The following TDRD7 variants were observed in gnomAD, a reference collection of about 807,000 sequenced individuals.
TDRD7 encodes tudor domain-containing protein 7.
Under a neutral mutation model 109.8 loss-of-function variants are expected in TDRD7, and 47 were observed. The ratio of observed to expected loss-of-function variants is 0.43; its 90% CI spans 0.34 to 0.55. TDRD7 has a LOEUF of 0.55. Among genes scored for constraint, TDRD7 ranks in the 20% least tolerant of loss-of-function variants. The probability of loss-of-function intolerance (pLI) is 0.03; values close to 1 mark genes in which losing one functional copy is unlikely to be tolerated. For missense variants in TDRD7, 1,164 were observed against 1,319.2 expected (o/e 0.88, Z 1.82); for synonymous variants, 424 against 457.3 (o/e 0.93, Z 0.93).
chr9:97,483,077 C>G lies in TDRD7; in HGVS notation c.2641C>G (p.Leu881Val), dbSNP rs746667320. ...CACTGGAGAGAATTTCAGAAAGAAC[C>G]TCACAGATGTCATCAAAAAGTCCAT... is the stretch of plus-strand genomic sequence containing the variant. ...GNTGENFRKN[L>V]TDVIKKSMVD... Residue 881 changes from leucine to valine, a missense_variant, in exon 15 of 17, where the codon CTC becomes GTC. By Grantham distance (32) the Leu-to-Val change is conservative (BLOSUM62 1). Transcript: ENST00000355295. 16 of 1,614,010 alleles carry G rather than the reference C, an allele frequency of 9.9e-6. No individual in the cohort carries two copies. In the Admixed American group the frequency reaches 2.2e-4, roughly 22 times the overall value.
intron 16 of TDRD7, among the ~76,000 whole-genome samples, chr9:97,494,721 T>C (rs1407320354): frequency 1.0e-4 from 8 of 79,626 alleles, no homozygotes; most frequent in Non-Finnish European, 2.2e-4. Context: ...TATTTTTTTT[T>C]TTTTCGAGAG....
intron 5 of TDRD7, among the ~76,000 whole-genome samples, chr9:97,440,071 C>T (rs1406967435): frequency 1.3e-5 from 2 of 152,076 alleles, no homozygotes; most frequent in African/African-American, 4.8e-5. Context: ...AACACATCTC[C>T]AGTATTTCTT....
At chr9:97,493,055 C>G (rs1829333025) in intron 16 of TDRD7, among the ~76,000 whole-genome samples, 1 of 152,132 alleles carries the variant, frequency 6.6e-6, no homozygotes, top group South Asian at 2.1e-4. Context: ...TCTGTGGAAT[C>G]TAAGTGGAAC....
intron 11 of TDRD7, among the ~76,000 whole-genome samples, chr9:97,474,501 A>G (rs1302330892): frequency 6.6e-6 from 1 of 152,108 alleles, no homozygotes; most frequent in Non-Finnish European, 1.5e-5. Flanking sequence ...CATCCCTTAC[A>G]GTATCTAATC....
At chr9:97,431,436 G>A (rs971360739) in intron 3 of TDRD7, among the ~76,000 whole-genome samples, 1 of 151,996 alleles carries the variant, frequency 6.6e-6, no homozygotes, top group African/African-American at 2.4e-5. Flanking sequence ...ATGTCTTCTG[G>A]TAGAAAACCT....
In TDRD7 at chr9:97,460,709, GC is replaced by G. The variant is rs752270932; in HGVS notation, c.1388del (p.Ala463AspfsTer10). 1.9e-6 allele frequency: 3 copies of G among 1,614,162 alleles called. No individual in the cohort carries two copies. The highest frequency in any genetic ancestry group is 3.3e-5 in the Admixed American group (2 of 60,030). On this transcript the variant is annotated frameshift_variant, in exon 7 of 17. Coordinates refer to ENST00000355295, the MANE Select transcript of TDRD7 (RefSeq NM_014290.3). LOFTEE classifies it high-confidence loss of function. ...TCCTCCTTTAATGATTCCAACTGAAGCATCACCATCTGTATTGGTGGTTGAA... is the reference window on the plus strand; with the variant it reads ...TCCTCCTTTAATGATTCCAACTGAAGATCACCATCTGTATTGGTGGTTGAA... The part of the protein sequence containing the change: ...TVPPLMIPTE[A>X]SPSVLVVELS...
rs114276740 is a variant in TDRD7 at position 97,439,127 on chromosome 9, A to G, written c.564-118A>G. ...TTTTTTCTGATTTTAAATTATTTTA[A>G]TGACTTGTTTTGCTGTTAAATGCCA... On this transcript the variant is annotated intron_variant, in intron 4 of 16. Transcript: ENST00000355295. 1.1e-3 allele frequency: 666 copies of G among 580,732 alleles called. 1 individual carries two copies. The African/African-American group carries it at 0.012, about 10-fold the overall frequency. The allele number at this position is 580,732 out of a possible 1,614,324, so 36.0% of individuals were successfully genotyped here.
chr9:97,451,465 A>AT lies in TDRD7; in HGVS notation c.856-8706dup, dbSNP rs573592535. On this transcript the variant is annotated intron_variant, in intron 6 of 16. Transcript: ENST00000355295. ...CTATCACATCCAGCTAATTTTTAAA[A>AT]TTTTTTTGTTGAGATTCTCACTATG... Among the ~76,000 whole-genome samples the AT allele has an allele frequency of 2.0e-5, 3 of 151,866 alleles. No homozygotes were observed. In the East Asian group the frequency reaches 5.8e-4, roughly 29 times the overall value.
intron 11 of TDRD7, 74 bp from the exon 12 acceptor site, chr9:97,475,309 T>C: frequency 8.4e-7 from 1 of 1,189,798 alleles, no homozygotes; most frequent in South Asian, 1.2e-5. Flanking sequence ...GCCACAGCGA[T>C]CTGTTTTTCT....
At chr9:97,446,153 C>T (rs1410278918) in intron 6 of TDRD7, among the ~76,000 whole-genome samples, 1 of 152,106 alleles carries the variant, frequency 6.6e-6, no homozygotes, top group Non-Finnish European at 1.5e-5. Context: ...GCAACAATGA[C>T]TGCTGAACAC....
At chr9:97,430,772 T>C (rs1159526526) in intron 2 of TDRD7, among the ~76,000 whole-genome samples, 161 bp from the exon 3 acceptor site, 1 of 152,224 alleles carries the variant, frequency 6.6e-6, no homozygotes, top group East Asian at 1.9e-4. Context: ...GCAGAAAATA[T>C]AATTTTCTTC....
chr9:97,492,715 C>A lies in TDRD7; in HGVS notation c.3077-2948C>A, dbSNP rs577034416. ...CCATGTCCTGAGTTCCTTTTCTAGG[C>A]TCACCTCTGCCAAGCCTTCTTTCTT... On this transcript the variant is annotated intron_variant, in intron 16 of 16. Transcript: ENST00000355295. Among the ~76,000 whole-genome samples the A allele has an allele frequency of 2.6e-5, 4 of 152,330 alleles. No individual in the cohort carries two copies. The East Asian group carries it at 7.7e-4, about 29-fold the overall frequency.
chr9:97,466,169 A>T (rs1368682028), intron 8 of TDRD7, among the ~76,000 whole-genome samples: 1 of 152,210 alleles, frequency 6.6e-6, no homozygotes, highest in Admixed American at 6.5e-5. Context: ...GTCCCTGAAC[A>T]CAGGCTTAAG....
intron 16 of TDRD7, among the ~76,000 whole-genome samples, chr9:97,490,550 G>T (rs934739000): frequency 1.9e-4 from 10 of 54,036 alleles, no homozygotes; most frequent in South Asian, 5.6e-4. Context: ...ATATTTTGGT[G>T]GGGGGGGGGG....
chr9:97,490,978 C>T (rs1285206278), intron 16 of TDRD7, among the ~76,000 whole-genome samples: 1 of 143,396 alleles, frequency 7.0e-6, no homozygotes, highest in South Asian at 2.2e-4. Flanking sequence ...TGCAGTGGCA[C>T]GATCTCAGCT....
At chr9:97,427,393 G>T (rs911739241) in intron 1 of TDRD7, among the ~76,000 whole-genome samples, 1 of 151,514 alleles carries the variant, frequency 6.6e-6, no homozygotes, top group African/African-American at 2.4e-5. Flanking sequence ...TTATAGGTTC[G>T]TCTTCCTCTA....
chr9:97,439,206 T>A lies in TDRD7; in HGVS notation c.564-39T>A, dbSNP rs780294355. 4 of 1,506,134 alleles carry A rather than the reference T, an allele frequency of 2.7e-6. No individual in the cohort carries two copies. In the African/African-American group the frequency reaches 4.3e-5, roughly 16 times the overall value. 93.3% of individuals were successfully genotyped at this position (1,506,134 alleles called of 1,614,324 possible). On this transcript the variant is annotated intron_variant, in intron 4 of 16. Transcript: ENST00000355295. ...TTAAAACTTGGTATAGACTTTGTTA[T>A]TTACATTTATTTTACTTTTTTTTTT...
In TDRD7 at chr9:97,473,495, G is replaced by T. The variant is rs1223476321; in HGVS notation, c.1948G>T (p.Asp650Tyr). The T allele has an allele frequency of 6.2e-7, 1 of 1,613,570 alleles. No homozygotes were observed. Residue 650 changes from aspartate (D) to tyrosine (Y), a missense_variant, in exon 11 of 17, where the codon GAC (aspartate) becomes TAC (tyrosine). Coordinates refer to ENST00000355295, the MANE Select transcript of TDRD7 (RefSeq NM_014290.3). ...AGGTATCCTTTGTCTGTTATAGGTT[G>T]ACGCCATGTACACAAATGTCAAAGT... ...DKSLEVHLQV[D>Y]AMYTNVKVTN...
Position 97,495,853 on chromosome 9 carries a change from G to C in TDRD7, c.3267G>C (p.Glu1089Asp). The C allele has an allele frequency of 6.2e-7, 1 of 1,614,150 alleles. No individual in the cohort carries two copies. The highest frequency in any genetic ancestry group is 2.2e-5 in the East Asian group (1 of 44,880). ...CCTGGATTCATGATTTTATGTCAGA[G>C]TATCTGATAGAGCTTTCAAAAGTTA... ...TDTWIHDFMS[E>D]YLIELSKVN Residue 1089 changes from glutamate (E) to aspartate (D), a missense_variant, in exon 17 of 17, where the codon GAG becomes GAC. By Grantham distance (45) the Glu-to-Asp change is conservative. Around this residue, in one of 5 missense-constraint regions of TDRD7, gnomAD observed 162 missense variants for 222.5 expected, o/e 0.73. Transcript: ENST00000355295.
Sources: allele counts gnomAD v4.1 joint callset (sites outside exome capture counted in the v4.1 genomes callset), GRCh38; gene constraint gnomAD v4.1.1; regional missense constraint gnomAD v4.1.1; transcripts MANE v1.5; gene names NCBI Gene and HGNC (gene_info 2026-07-23, HGNC 2026-07-21).